EIF2AK3: variants seen among roughly 807,000 people sequenced by gnomAD.
EIF2AK3 encodes the protein eukaryotic translation initiation factor 2-alpha kinase 3.
A neutral mutation model predicts 113.5 loss-of-function variants in EIF2AK3; 50 were observed. The ratio of observed to expected loss-of-function variants is 0.44; its 90% CI spans 0.35 to 0.56. EIF2AK3 has a LOEUF of 0.56. EIF2AK3 is among the 20% of genes least tolerant of loss of function. The probability of loss-of-function intolerance (pLI) is 0.00; values close to 1 mark genes in which losing one functional copy is unlikely to be tolerated. For missense variants in EIF2AK3, 1,185 were observed against 1,378.0 expected (o/e 0.86, Z 2.22); for synonymous variants, 448 against 495.4 (o/e 0.90, Z 1.27).
intron 9 of EIF2AK3, 71 bp from the exon 10 acceptor site, chr2:88,583,613 T>C (rs1674649545): frequency 9.2e-7 from 1 of 1,082,002 alleles, no homozygotes; most frequent in South Asian, 1.3e-5. Flanking sequence ...TTTTAGGTTA[T>C]AAAATAAACA....
chr2:88,584,243 G>A (rs779931989), intron 9 of EIF2AK3, among the ~76,000 whole-genome samples: 1 of 152,096 alleles, frequency 6.6e-6, no homozygotes, highest in African/African-American at 2.4e-5. Context: ...TAGGCCAGGC[G>A]TGGTGGCTCA....
intron 1 of EIF2AK3, among the ~76,000 whole-genome samples, chr2:88,626,349 C>T (rs995950077): frequency 2.0e-5 from 3 of 152,172 alleles, no homozygotes; most frequent in African/African-American, 7.2e-5. Context: ...AAGAATTATC[C>T]GGCGTGCTTG....
In EIF2AK3 at chr2:88,557,060, T is replaced by C. The variant is rs943455249; in HGVS notation, c.*676A>G. ...GATCCATTTCTTACTACGGCTTTTT[T>C]CCTCCCAAAACTAGACCTTTCAACC... On this transcript the variant is annotated 3_prime_UTR_variant, in exon 17 of 17. Coordinates refer to ENST00000303236, the MANE Select transcript of EIF2AK3 (RefSeq NM_004836.7). 1 of 152,610 alleles carries C rather than the reference T, an allele frequency of 6.6e-6. No individual in the cohort carries two copies. The highest frequency in any genetic ancestry group is 2.4e-5 in the African/African-American group (1 of 41,440). 9.5% of individuals were successfully genotyped at this position (152,610 alleles called of 1,614,324 possible). A position where few individuals can be genotyped will look rare whatever the true frequency, so the allele number is the denominator to read the frequency against.
chr2:88,612,044 T>C (rs1016803438), intron 2 of EIF2AK3, among the ~76,000 whole-genome samples: 1 of 152,146 alleles, frequency 6.6e-6, no homozygotes, highest in Non-Finnish European at 1.5e-5. Context: ...TGGTGCGAAC[T>C]AAAGACAGTA....
rs1674550436 is a variant in EIF2AK3, at chr2:88,579,688, T to C, written c.1764-48A>G. 1.9e-6 allele frequency: 3 copies of C among 1,580,248 alleles called. No individual in the cohort carries two copies. In the East Asian group the frequency reaches 6.8e-5, roughly 36 times the overall value. ...TAAAGGTTTGCAACAGTTTTAAATT[T>C]TGTGGTAATGTGAAAATCAGTTCAA... is the stretch of plus-strand genomic sequence containing the variant. On this transcript the variant is annotated intron_variant, in intron 10 of 16. Transcript: ENST00000303236.
intron 9 of EIF2AK3, among the ~76,000 whole-genome samples, chr2:88,585,287 TGA>T: frequency 6.6e-6 from 1 of 151,812 alleles, no homozygotes; most frequent in Non-Finnish European, 1.5e-5. Context: ...TACGTTTCTT[TGA>T]GAGAGAAAAA....
intron 13 of EIF2AK3, among the ~76,000 whole-genome samples, chr2:88,573,607 G>A (rs1262539582): frequency 6.6e-6 from 1 of 152,016 alleles, no homozygotes; most frequent in Non-Finnish European, 1.5e-5. Context: ...ATCAGTTTGG[G>A]CCCACGTCAA....
upstream of EIF2AK3, chr2:88,627,704 A>T (rs973992434): frequency 6.1e-6 from 1 of 165,056 alleles, no homozygotes; most frequent in African/African-American, 2.4e-5. Flanking sequence ...TGGTGCGCTC[A>T]TCAGTTCCCG....
chr2:88,586,985 T>C (rs1423282330), intron 8 of EIF2AK3, among the ~76,000 whole-genome samples: 1 of 146,846 alleles, frequency 6.8e-6, no homozygotes, highest in Non-Finnish European at 1.5e-5. Context: ...GGCAGGTGGA[T>C]CACAAGGTCA....
In EIF2AK3 at chr2:88,594,346, G is replaced by A. The variant is rs115595550; in HGVS notation, c.634-941C>T. ...TAGCTGGGACTACAGGCGTGCGTGC[G>A]CCACCATCCCCAGCTAATTTTTTTA... On this transcript the variant is annotated intron_variant, in intron 3 of 16. Coordinates refer to ENST00000303236, the MANE Select transcript of EIF2AK3 (RefSeq NM_004836.7). 4.4e-3 allele frequency among the ~76,000 whole-genome samples: 675 copies of A among 152,244 alleles called. 2 individuals carry two copies. Among genetic ancestry groups the A allele is most frequent in the Non-Finnish European group, 7.6e-3 (517 of 67,998 alleles).
chr2:88,569,845 A>C (rs1674244383), intron 14 of EIF2AK3, among the ~76,000 whole-genome samples: 1 of 152,234 alleles, frequency 6.6e-6, no homozygotes, highest in South Asian at 2.1e-4. Context: ...CTTGAAATGA[A>C]ATATTGCTCT....
In EIF2AK3 at chr2:88,588,859, A is replaced by C. The variant is rs1438799680; in HGVS notation, c.1208T>G (p.Ile403Ser). ...GQLYLQSSVR[I>S]SEKFPSSPKA... ...GGGACTTGAAGGAAACTTTTCTGAA[A>C]TTCTGACTGATGACTGCAGATACAG... The change falls in exon 7 of 17, where the codon ATT (isoleucine) becomes AGT (serine). Residue 403 changes from isoleucine (I) to serine (S), a missense_variant. Around this residue, in one of 3 missense-constraint regions of EIF2AK3, gnomAD observed 877 missense variants for 1,024.2 expected, o/e 0.86. Transcript: ENST00000303236. 5 of 1,613,742 alleles carry C rather than the reference A, an allele frequency of 3.1e-6. No homozygotes were observed. Among genetic ancestry groups the C allele is most frequent in the Non-Finnish European group, 4.2e-6 (5 of 1,179,874 alleles).
intron 8 of EIF2AK3, 99 bp from the exon 9 acceptor site, chr2:88,586,160 T>A: frequency 2.2e-6 from 2 of 896,348 alleles, no homozygotes; most frequent in Admixed American, 4.6e-5. Context: ...ACTTATCACA[T>A]TAATTCCTTT....
intron 13 of EIF2AK3, among the ~76,000 whole-genome samples, chr2:88,572,049 T>A (rs1674325989): frequency 6.6e-6 from 1 of 152,220 alleles, no homozygotes; most frequent in African/African-American, 2.4e-5. Context: ...AATTTCATCA[T>A]GTTTCAAATA....
intron 14 of EIF2AK3, among the ~76,000 whole-genome samples, chr2:88,570,555 A>T (rs1362392705): frequency 6.6e-6 from 1 of 152,206 alleles, no homozygotes; most frequent in Non-Finnish European, 1.5e-5. Context: ...GTTCCAACAC[A>T]GTCTACACAA....
At chr2:88,592,971 G>A (rs186125810) in intron 4 of EIF2AK3, among the ~76,000 whole-genome samples, 40 of 151,920 alleles carry the variant, frequency 2.6e-4, no homozygotes, top group African/African-American at 7.7e-4. Flanking sequence ...GTGAAACCCC[G>A]TCTCTACTAA....
At chr2:88,601,838 T>C (rs1289931017) in intron 2 of EIF2AK3, among the ~76,000 whole-genome samples, 5 of 146,838 alleles carry the variant, frequency 3.4e-5, no homozygotes, top group East Asian at 2.0e-4. Context: ...ATTTTTCTTT[T>C]TTTTTTTTTT....
In EIF2AK3 at chr2:88,589,580, A is replaced by C. The variant is rs1674830331; in HGVS notation, c.1166-679T>G. On this transcript the variant is annotated intron_variant, in intron 6 of 16. Transcript: ENST00000303236. The stretch of plus-strand genomic sequence containing the variant: ...AACTAATATGGATGCAAATACAAAT[A>C]CAGAAAATTATAGACTTTGAGGATA... Among the ~76,000 whole-genome samples the C allele has an allele frequency of 6.6e-5, 10 of 151,686 alleles. No individual in the cohort carries two copies. The South Asian group carries it at 2.1e-3, about 31-fold the overall frequency.
intron 12 of EIF2AK3, 45 bp from the exon 13 acceptor site, chr2:88,575,491 G>C: frequency 6.3e-7 from 1 of 1,590,242 alleles, no homozygotes; most frequent in Non-Finnish European, 8.5e-7. Context: ...AATATATATT[G>C]ATTCAAGTAC....
Sources: gnomAD v4.1 joint callset for allele counts (sites outside exome capture counted in the v4.1 genomes callset) on GRCh38, gnomAD v4.1.1 for gene constraint, gnomAD v4.1.1 regional missense constraint, MANE v1.5 for transcripts, NCBI Gene and HGNC (gene_info 2026-07-23, HGNC 2026-07-21) for gene names.